JMJD1C: variants seen among roughly 807,000 people sequenced by gnomAD.
The protein encoded by JMJD1C is jumonji domain-containing protein 1C.
JMJD1C carries 31 observed loss-of-function variants against 245.3 expected under a neutral mutation model. That is an observed-to-expected ratio of 0.13 (90% CI 0.09 to 0.17). The LOEUF is 0.17. Ranked by LOEUF, JMJD1C falls within the 10% of genes least tolerant of loss-of-function variation. The probability of loss-of-function intolerance (pLI) is 1.00; values close to 1 mark genes in which losing one functional copy is unlikely to be tolerated. For synonymous variants in JMJD1C, 1,057 were observed against 1,017.4 expected, an observed-to-expected ratio of 1.04 and a Z score of -0.74; for missense variants, 2,691 against 3,000.2, an observed-to-expected ratio of 0.90 and a Z score of 2.41.
intron 2 of JMJD1C, among the ~76,000 whole-genome samples, chr10:63,347,631 G>A (rs1351871426): frequency 6.6e-6 from 1 of 151,232 alleles, no homozygotes; most frequent in Non-Finnish European, 1.5e-5. Flanking sequence ...AGAAATTACA[G>A]GGCAGGCGTA....
At chr10:63,239,564 C>T (rs1261678827) in intron 3 of JMJD1C, among the ~76,000 whole-genome samples, 3 of 152,264 alleles carry the variant, frequency 2.0e-5, no homozygotes, top group Admixed American at 2.0e-4. Context: ...CCTGCCTCAG[C>T]CTCCTGAGTA....
Position 63,191,083 on chromosome 10 carries a change from G to C in JMJD1C, c.6102C>G (p.Asn2034Lys). 1 of 1,613,306 alleles carries C rather than the reference G, an allele frequency of 6.2e-7. No individual in the cohort carries two copies. Among genetic ancestry groups the C allele is most frequent in the Non-Finnish European group, 8.5e-7 (1 of 1,179,276 alleles). The change falls in exon 17 of 26, where the codon AAC becomes AAG. Residue 2034 changes from asparagine (N) to lysine (K), a missense_variant. Transcript: ENST00000399262. ...KKENKELTLE[N>K]QIKEEREQDN... Reference sequence around the variant, plus strand: ...CTTGTTCTCTTTCTTCTTTAATTTGGTTTTCAAGGGTAAGTTCTTTGTTTT... The same window carrying C: ...CTTGTTCTCTTTCTTCTTTAATTTGCTTTTCAAGGGTAAGTTCTTTGTTTT...
intron 2 of JMJD1C, among the ~76,000 whole-genome samples, chr10:63,376,916 C>G (rs962615258): frequency 6.6e-6 from 1 of 152,190 alleles, no homozygotes; most frequent in African/African-American, 2.4e-5. Context: ...CAATTCTACT[C>G]CTGGGTATAT....
chr10:63,420,342 C>A (rs1950049918), intron 1 of JMJD1C, among the ~76,000 whole-genome samples: 1 of 151,904 alleles, frequency 6.6e-6, no homozygotes, highest in South Asian at 2.1e-4. Flanking sequence ...AATTTGTGAA[C>A]ACAGTGTAAG....
At chr10:63,242,071 G>A (rs1851547739) in intron 3 of JMJD1C, among the ~76,000 whole-genome samples, 3 of 152,214 alleles carry the variant, frequency 2.0e-5, no homozygotes, top group Admixed American at 1.3e-4. Flanking sequence ...GCTGAGTAAA[G>A]TAGTGATAAT....
At position 63,343,915 on chromosome 10, in the gene JMJD1C, G is replaced by C. The variant is rs1008610912; in HGVS notation, c.333+36403C>G. Among the ~76,000 whole-genome samples, 3 of 151,926 alleles carry C rather than the reference G, an allele frequency of 2.0e-5. No homozygotes were observed. The South Asian group carries it at 6.2e-4, about 32-fold the overall frequency. The stretch of plus-strand genomic sequence containing the variant: ...TAGCCAGGTGTGGTGGTGTGTGCCT[G>C]TACTCCCAGCTACTTGGGAGGCTGA... On this transcript the variant is annotated intron_variant, in intron 2 of 25. Coordinates refer to ENST00000399262, the MANE Select transcript of JMJD1C (RefSeq NM_032776.3).
chr10:63,406,510 T>TA (rs945095206), intron 1 of JMJD1C, among the ~76,000 whole-genome samples: 2 of 151,854 alleles, frequency 1.3e-5, no homozygotes, highest in South Asian at 2.1e-4. Flanking sequence ...TTTAAAGGCA[T>TA]AAAAAAAGAA....
chr10:63,356,582 A>G (rs1944862911), intron 2 of JMJD1C, among the ~76,000 whole-genome samples: 1 of 152,226 alleles, frequency 6.6e-6, no homozygotes. Flanking sequence ...TTGTTCATCC[A>G]TCTGCCTTTC....
rs1428067451 is a variant in JMJD1C at position 63,341,795 on chromosome 10, C to T, written c.333+38523G>A. 3.3e-5 allele frequency among the ~76,000 whole-genome samples: 5 copies of T among 152,164 alleles called. No individual in the cohort carries two copies. In the East Asian group the frequency reaches 5.8e-4, roughly 18 times the overall value. On this transcript the variant is annotated intron_variant, in intron 2 of 25. Transcript: ENST00000399262. ...GACCAGGGTATCTTTAGATCAATAA[C>T]GAGTAAATATTAACACACGTTCTTG...
chr10:63,292,162 T>TTTTTTTTTTTTTTTTTTTTTTC, intron 2 of JMJD1C, among the ~76,000 whole-genome samples: 1 of 147,732 alleles, frequency 6.8e-6, no homozygotes, highest in Non-Finnish European at 1.5e-5. Context: ...TTTTTTTTTT[T>TTTTTTTTTTTTTTTTTTTTTTC]TGCCTAGGCT....
intron 2 of JMJD1C, among the ~76,000 whole-genome samples, chr10:63,308,129 C>T (rs995276342): frequency 6.6e-5 from 10 of 151,286 alleles, no homozygotes; most frequent in Admixed American, 3.3e-4. Context: ...CCAGCCTGGA[C>T]GACAGAGTGA....
Position 63,214,470 on chromosome 10 carries a change from A to G in JMJD1C, c.1697T>C (p.Val566Ala). 1 of 1,614,024 alleles carries G rather than the reference A, an allele frequency of 6.2e-7. No individual in the cohort carries two copies. The highest frequency in any genetic ancestry group is 8.5e-7 in the Non-Finnish European group (1 of 1,180,004). The change falls in exon 8 of 26, where the codon GTC becomes GCC. Residue 566 changes from valine to alanine, a missense_variant. By Grantham distance (64) the Val-to-Ala change is moderately conservative. This residue lies in a region of JMJD1C where 1,562 missense variants were observed against 1,490.7 expected (regional missense o/e 1.05). Coordinates refer to ENST00000399262, the MANE Select transcript of JMJD1C (RefSeq NM_032776.3). ...TAKKDSDQSWVSDVVKVDLTQ... is the reference protein window; with the variant it reads ...TAKKDSDQSWASDVVKVDLTQ... The stretch of plus-strand genomic sequence containing the variant: ...TAGATCCACTTTAACTACATCACTG[A>G]CCCAGCTCTGGTCAGAATCTTTTTT...
chr10:63,200,085 A>G (rs1453786876), intron 11 of JMJD1C, among the ~76,000 whole-genome samples: 1 of 152,150 alleles, frequency 6.6e-6, no homozygotes, highest in African/African-American at 2.4e-5. Context: ...ATTAGTCTTT[A>G]CTGTCTGGGT....
intron 3 of JMJD1C, among the ~76,000 whole-genome samples, chr10:63,245,929 G>C (rs1852149494): frequency 6.6e-6 from 1 of 152,174 alleles, no homozygotes; most frequent in African/African-American, 2.4e-5. Context: ...GATGAGATTT[G>C]GGTGGGGACA....
At chr10:63,510,004 G>A (rs1001446916) in intron 1 of JMJD1C, among the ~76,000 whole-genome samples, 24 of 113,602 alleles carry the variant, frequency 2.1e-4, no homozygotes, top group Non-Finnish European at 4.4e-4. Context: ...ACTGATTTTA[G>A]ATCTTTTTTT....
At chr10:63,253,686 T>C (rs1441753314) in intron 3 of JMJD1C, among the ~76,000 whole-genome samples, 3 of 152,070 alleles carry the variant, frequency 2.0e-5, no homozygotes, top group African/African-American at 7.2e-5. Flanking sequence ...GCGCCCGGCC[T>C]CATTTTTTAA....
At chr10:63,306,999 G>T (rs561660733) in intron 2 of JMJD1C, among the ~76,000 whole-genome samples, 4 of 152,102 alleles carry the variant, frequency 2.6e-5, no homozygotes, top group South Asian at 4.1e-4. Context: ...GCTTGTACTC[G>T]AACTGTACTG....
At chr10:63,427,906 C>G (rs1360709899) in intron 1 of JMJD1C, 9 of 730,614 alleles carry the variant, frequency 1.2e-5, no homozygotes, top group African/African-American at 1.7e-5. Context: ...AAGGACCTCA[C>G]CAGCAAGGCA....
chr10:63,413,716 C>T (rs1174110957), intron 1 of JMJD1C, among the ~76,000 whole-genome samples: 1 of 151,354 alleles, frequency 6.6e-6, no homozygotes, highest in Non-Finnish European at 1.5e-5. Context: ...AATATTTTAA[C>T]TTTAGGAAGT....
Sources: allele counts gnomAD v4.1 joint callset (sites outside exome capture counted in the v4.1 genomes callset), GRCh38; gene constraint gnomAD v4.1.1; regional missense constraint gnomAD v4.1.1; transcripts MANE v1.5; gene names NCBI Gene and HGNC (gene_info 2026-07-23, HGNC 2026-07-21).